The following AGBL4 variants were observed in gnomAD, a reference collection of about 807,000 sequenced individuals.
The protein encoded by AGBL4 is cytosolic carboxypeptidase 6.
Under a neutral mutation model 66.4 loss-of-function variants are expected in AGBL4, and 58 were observed. The ratio of observed to expected loss-of-function variants is 0.87; its 90% CI spans 0.71 to 1.09. The LOEUF (loss-of-function observed/expected upper bound fraction) is 1.09, where lower values mean the gene tolerates loss of function less well. Ranked by LOEUF, AGBL4 falls within the 50% of genes least tolerant of loss-of-function variation. The pLI is 0.00. For synonymous variants in AGBL4, 234 were observed against 222.9 expected (o/e 1.05, Z -0.44); for missense variants, 579 against 631.0 (o/e 0.92, Z 0.88).
intron 9 of AGBL4, among the ~76,000 whole-genome samples, chr1:48,597,574 C>T (rs1009379192): frequency 3.3e-5 from 5 of 151,736 alleles, no homozygotes; most frequent in Non-Finnish European, 7.4e-5. Flanking sequence ...TGGCATGCAC[C>T]TGTCAAGCAA....
In AGBL4 at chr1:49,308,728, T is replaced by G. The variant is rs191383912; in HGVS notation, c.283-62864A>C. On this transcript the variant is annotated intron_variant, in intron 3 of 13. Coordinates refer to ENST00000371839, the MANE Select transcript of AGBL4 (RefSeq NM_032785.4). ...GGACAATTTAAATGATGGAACAGAA[T>G]GAGAAAAGGCAGGGTGGAAGGAATT... Among the ~76,000 whole-genome samples the G allele has an allele frequency of 4.6e-5, 7 of 152,180 alleles. No homozygotes were observed. The East Asian group carries it at 1.4e-3, about 29-fold the overall frequency.
At chr1:48,947,776 A>G (rs1656636600) in intron 5 of AGBL4, among the ~76,000 whole-genome samples, 3 of 152,222 alleles carry the variant, frequency 2.0e-5, no homozygotes, top group Admixed American at 2.0e-4. Context: ...CTGATAGAGA[A>G]ACAATCTGAT....
chr1:49,472,240 G>T (rs771340052), intron 3 of AGBL4, among the ~76,000 whole-genome samples: 1 of 151,976 alleles, frequency 6.6e-6, no homozygotes, highest in Non-Finnish European at 1.5e-5. Context: ...GTCTGATGTG[G>T]AGTCTCATAA....
chr1:48,607,887 A>G (rs1645176893), intron 9 of AGBL4, among the ~76,000 whole-genome samples: 1 of 152,200 alleles, frequency 6.6e-6, no homozygotes, highest in African/African-American at 2.4e-5. Flanking sequence ...ATTGGACATC[A>G]TTTAATCCTT....
chr1:48,882,747 C>G (rs1362664141), intron 5 of AGBL4, among the ~76,000 whole-genome samples: 1 of 152,136 alleles, frequency 6.6e-6, no homozygotes, highest in East Asian at 1.9e-4. Flanking sequence ...AATTTGTACC[C>G]TATGACCAAC....
chr1:49,901,104 G>T (rs1649726396), intron 1 of AGBL4, among the ~76,000 whole-genome samples: 1 of 152,166 alleles, frequency 6.6e-6, no homozygotes, highest in South Asian at 2.1e-4. Context: ...CTATAAAGAT[G>T]AAAGCATTCC....
At chr1:49,000,316 T>A (rs1050884135) in intron 5 of AGBL4, among the ~76,000 whole-genome samples, 1 of 152,126 alleles carries the variant, frequency 6.6e-6, no homozygotes, top group Non-Finnish European at 1.5e-5. Context: ...ACCTTTATGA[T>A]CAAGTGATCT....
At chr1:49,594,872 G>A (rs1644822316) in intron 3 of AGBL4, among the ~76,000 whole-genome samples, 1 of 152,094 alleles carries the variant, frequency 6.6e-6, no homozygotes, top group Non-Finnish European at 1.5e-5. Context: ...AATTCTTTGG[G>A]TATATACCCA....
chr1:49,883,671 C>G (rs1317150690), intron 1 of AGBL4, among the ~76,000 whole-genome samples: 1 of 151,868 alleles, frequency 6.6e-6, no homozygotes, highest in Non-Finnish European at 1.5e-5. Flanking sequence ...TTTTGCTTAT[C>G]TGTTAAGAGC....
intron 4 of AGBL4, among the ~76,000 whole-genome samples, chr1:49,147,341 G>A (rs1427413657): frequency 6.6e-6 from 1 of 152,086 alleles, no homozygotes. Context: ...CTACCACACT[G>A]CCCCATGATT....
chr1:49,901,936 G>A (rs947280653), intron 1 of AGBL4, among the ~76,000 whole-genome samples: 1 of 152,082 alleles, frequency 6.6e-6, no homozygotes, highest in African/African-American at 2.4e-5. Flanking sequence ...TAAACAACAA[G>A]GAAAGGACTC....
chr1:48,735,873 CTG>C (rs1212589130), intron 6 of AGBL4, among the ~76,000 whole-genome samples: 1 of 152,170 alleles, frequency 6.6e-6, no homozygotes, highest in African/African-American at 2.4e-5. Flanking sequence ...CCATACACAT[CTG>C]TGTCTCCTAG....
chr1:49,421,545 A>G (rs1645546689), intron 3 of AGBL4, among the ~76,000 whole-genome samples: 1 of 152,238 alleles, frequency 6.6e-6, no homozygotes, highest in African/African-American at 2.4e-5. Context: ...AATTGACAAG[A>G]GAAAAAACGA....
intron 11 of AGBL4, among the ~76,000 whole-genome samples, chr1:48,549,660 A>G (rs889513530): frequency 2.6e-5 from 4 of 152,102 alleles, no homozygotes; most frequent in Admixed American, 2.6e-4. Context: ...GGAGAGAAGG[A>G]TAATCAGAGA....
At chr1:49,288,785 G>A (rs919470742) in intron 3 of AGBL4, among the ~76,000 whole-genome samples, 1 of 152,192 alleles carries the variant, frequency 6.6e-6, no homozygotes, top group African/African-American at 2.4e-5. Context: ...TATGCCCTTG[G>A]AGTAAGGGCA....
intron 5 of AGBL4, among the ~76,000 whole-genome samples, chr1:48,952,630 C>T (rs17376708): frequency 0.077 from 11,704 of 152,158 alleles, 587 homozygotes; most frequent in Non-Finnish European, 0.1. Flanking sequence ...CTGGTGATCT[C>T]GCCTCTGGTT....
chr1:48,723,588 C>T lies in AGBL4; in HGVS notation c.635-60347G>A, dbSNP rs549648525. ...CATTGGTCCATAAGAAAACTAAACA[C>T]AGAAAATGAAATGGATTCTGCTGAA... is the stretch of plus-strand genomic sequence containing the variant. On this transcript the variant is annotated intron_variant, in intron 6 of 13. Transcript: ENST00000371839. Among the ~76,000 whole-genome samples the T allele has an allele frequency of 3.9e-5, 6 of 152,302 alleles. No individual in the cohort carries two copies. The South Asian group carries it at 1.0e-3, about 26-fold the overall frequency.
chr1:49,167,375 G>C (rs1301647134), intron 4 of AGBL4, among the ~76,000 whole-genome samples: 1 of 151,960 alleles, frequency 6.6e-6, no homozygotes, highest in Non-Finnish European at 1.5e-5. Flanking sequence ...TTCTCTATCT[G>C]ACAGAAGAGA....
intron 3 of AGBL4, among the ~76,000 whole-genome samples, chr1:49,342,037 T>C (rs1364688706): frequency 6.6e-6 from 1 of 152,160 alleles, no homozygotes; most frequent in Admixed American, 6.5e-5. Context: ...GCAGGACAGA[T>C]TGAAACCGTT....
Sources: allele counts gnomAD v4.1 joint callset (sites outside exome capture counted in the v4.1 genomes callset), GRCh38; gene constraint gnomAD v4.1.1; transcripts MANE v1.5; gene names NCBI Gene and HGNC (gene_info 2026-07-23, HGNC 2026-07-21).